Variants in THSD7B observed in about 807,000 individuals in gnomAD.
THSD7B encodes thrombospondin type-1 domain-containing protein 7B.
THSD7B carries 138 observed loss-of-function variants against 213.6 expected under a neutral mutation model. The ratio of observed to expected loss-of-function variants is 0.65; its 90% CI spans 0.56 to 0.74. The LOEUF is 0.74. THSD7B is among the 30% of genes least tolerant of loss of function. THSD7B has a pLI of 0.00. For missense variants in THSD7B, 1,931 were observed against 1,991.5 expected (o/e 0.97, Z 0.58); for synonymous variants, 742 against 687.0 (o/e 1.08, Z -1.25).
intron 2 of THSD7B, among the ~76,000 whole-genome samples, chr2:137,033,647 C>G (rs1032178525): frequency 2.3e-4 from 35 of 152,006 alleles, no homozygotes; most frequent in Non-Finnish European, 2.9e-5. Context: ...GAGTCTCACT[C>G]TGTCCCCAGA....
chr2:137,153,527 A>T (rs1404683121), intron 5 of THSD7B, among the ~76,000 whole-genome samples: 1 of 152,166 alleles, frequency 6.6e-6, no homozygotes, highest in African/African-American at 2.4e-5. Flanking sequence ...ATGAGAAGTG[A>T]TTTAATTCTT....
chr2:136,900,068 G>A (rs1558844471), intron 2 of THSD7B, among the ~76,000 whole-genome samples: 1 of 152,186 alleles, frequency 6.6e-6, no homozygotes, highest in Non-Finnish European at 1.5e-5. Context: ...CAGTGAGAGT[G>A]ATAAAGAGAT....
intron 2 of THSD7B, among the ~76,000 whole-genome samples, chr2:137,034,148 A>G (rs1352620882): frequency 2.0e-5 from 3 of 152,240 alleles, no homozygotes; most frequent in African/African-American, 7.2e-5. Flanking sequence ...TTATGGCTGC[A>G]TAGTATTCCA....
intron 1 of THSD7B, among the ~76,000 whole-genome samples, chr2:136,827,373 A>C (rs959483769): frequency 6.6e-6 from 1 of 152,224 alleles, no homozygotes; most frequent in Admixed American, 6.5e-5. Context: ...TACAGAAAAC[A>C]AGAAGTTTGT....
chr2:137,327,991 A>C (rs1457418677), intron 12 of THSD7B, among the ~76,000 whole-genome samples: 1 of 152,178 alleles, frequency 6.6e-6, no homozygotes, highest in Non-Finnish European at 1.5e-5. Flanking sequence ...GAGGCAAAGA[A>C]TTACAAAGCC....
intron 10 of THSD7B, among the ~76,000 whole-genome samples, chr2:137,252,037 G>C (rs768371477): frequency 6.6e-6 from 1 of 152,104 alleles, no homozygotes; most frequent in African/African-American, 2.4e-5. Flanking sequence ...GGAGGCCGAG[G>C]TGGGTGGATC....
At chr2:137,296,264 A>T (rs1335144421) in intron 12 of THSD7B, among the ~76,000 whole-genome samples, 1 of 152,178 alleles carries the variant, frequency 6.6e-6, no homozygotes, top group East Asian at 1.9e-4. Flanking sequence ...ATTTTTTCAT[A>T]GTTTTCTTCA....
At chr2:136,788,822 A>G (rs1416533547) in intron 1 of THSD7B, among the ~76,000 whole-genome samples, 1 of 152,154 alleles carries the variant, frequency 6.6e-6, no homozygotes, top group East Asian at 1.9e-4. Context: ...AAAAATTAAG[A>G]ATTAGAGGCA....
intron 5 of THSD7B, among the ~76,000 whole-genome samples, chr2:137,127,026 C>T (rs1408013723): frequency 6.6e-6 from 1 of 151,974 alleles, no homozygotes; most frequent in Non-Finnish European, 1.5e-5. Flanking sequence ...ACAATAATAA[C>T]ATCAAAGATC....
Position 137,160,324 on chromosome 2 carries a change from G to T in THSD7B, c.1481G>T (p.Gly494Val). 2 of 1,613,596 alleles carry T rather than the reference G, an allele frequency of 1.2e-6. No individual in the cohort carries two copies. The highest frequency in any genetic ancestry group is 1.7e-6 in the Non-Finnish European group (2 of 1,179,664). Residue 494 changes from glycine to valine, a missense_variant, in exon 6 of 28, where the codon GGC (glycine) becomes GTC (valine). Physicochemically the swap from Gly to Val is moderately radical, Grantham distance 109. Coordinates refer to ENST00000409968, the MANE Select transcript of THSD7B (RefSeq NM_001316349.2). ...ATAGTATCTTCCTGGTCAGCCTGGG[G>T]CCTGTGCATCCATGAAAACTGTCAT... ...DCIVSSWSAW[G>V]LCIHENCHDP... is the part of the protein sequence containing the mutation.
chr2:137,532,557 AG>A (rs1174648082), intron 15 of THSD7B, among the ~76,000 whole-genome samples: 1 of 151,838 alleles, frequency 6.6e-6, no homozygotes, highest in East Asian at 1.9e-4. Context: ...CGTATTATAG[AG>A]TGCAAAAAAT....
intron 17 of THSD7B, among the ~76,000 whole-genome samples, chr2:137,586,288 C>T (rs1349332663): frequency 6.6e-5 from 10 of 152,080 alleles, no homozygotes; most frequent in Admixed American, 3.3e-4. Context: ...ACACTTTATC[C>T]AATTTGCCAG....
rs1402409883 is a variant in THSD7B at position 137,248,236 on chromosome 2, T to G, written c.2266+5664T>G. On this transcript the variant is annotated intron_variant, in intron 10 of 27. Coordinates refer to ENST00000409968, the MANE Select transcript of THSD7B (RefSeq NM_001316349.2). ...GTTCCTTAAGGTCAGGGAGCTTGTA[T>G]TATGTTGAGTTCCTGCAATTATTAA... 3.3e-5 allele frequency among the ~76,000 whole-genome samples: 5 copies of G among 152,192 alleles called. No individual in the cohort carries two copies. The South Asian group carries it at 1.0e-3, about 31-fold the overall frequency.
intron 15 of THSD7B, among the ~76,000 whole-genome samples, chr2:137,520,557 AG>A (rs1176407983): frequency 1.3e-5 from 2 of 152,246 alleles, no homozygotes; most frequent in African/African-American, 4.8e-5. Flanking sequence ...AATTTATAAG[AG>A]AAAGATGCCC....
chr2:137,657,377 TGAAATGCAA>T (rs1317843505), intron 24 of THSD7B, among the ~76,000 whole-genome samples: 1 of 152,176 alleles, frequency 6.6e-6, no homozygotes, highest in Non-Finnish European at 1.5e-5. Context: ...AGAAATAAGC[TGAAATGCAA>T]TAAAATGTCC....
At chr2:137,464,127 T>C (rs1012448290) in intron 15 of THSD7B, among the ~76,000 whole-genome samples, 2 of 152,060 alleles carry the variant, frequency 1.3e-5, no homozygotes, top group Admixed American at 1.3e-4. Flanking sequence ...TTTTAACCTT[T>C]AGGTCCATCA....
intron 2 of THSD7B, among the ~76,000 whole-genome samples, chr2:136,996,800 A>G (rs1226073203): frequency 6.6e-6 from 1 of 152,226 alleles, no homozygotes; most frequent in Admixed American, 6.5e-5. Context: ...AATGCATAGA[A>G]GTATAAATAA....
intron 8 of THSD7B, among the ~76,000 whole-genome samples, chr2:137,231,635 T>G (rs934055176): frequency 2.6e-5 from 4 of 152,196 alleles, no homozygotes; most frequent in African/African-American, 9.7e-5. Context: ...AGACATGGCT[T>G]CTCAACTGGG....
intron 3 of THSD7B, among the ~76,000 whole-genome samples, chr2:137,086,518 G>T (rs570867587): frequency 6.6e-6 from 1 of 152,198 alleles, no homozygotes; most frequent in East Asian, 1.9e-4. Flanking sequence ...GTGATGCATT[G>T]GGTCCACTGG....
Sources: allele counts gnomAD v4.1 joint callset (sites outside exome capture counted in the v4.1 genomes callset), GRCh38; gene constraint gnomAD v4.1.1; transcripts MANE v1.5; gene names NCBI Gene and HGNC (gene_info 2026-07-23, HGNC 2026-07-21).